DPPA4: variants seen among roughly 807,000 people sequenced by gnomAD.
The protein encoded by DPPA4 is developmental pluripotency associated 4, also known as developmental pluripotency-associated protein 4.
In DPPA4, 22 loss-of-function variants were observed where a neutral mutation model predicts 33.7. That is an observed-to-expected ratio of 0.65 (90% CI 0.47 to 0.93). The LOEUF (loss-of-function observed/expected upper bound fraction) is 0.93. Ranked by LOEUF, DPPA4 falls within the 40% of genes least tolerant of loss-of-function variation. The pLI is 0.00. For missense variants in DPPA4, 340 were observed against 358.6 expected, an observed-to-expected ratio of 0.95 and a Z score of 0.42; for synonymous variants, 156 against 132.3, an observed-to-expected ratio of 1.18 and a Z score of -1.23.
Position 109,330,583 on chromosome 3 carries a change from G to A in DPPA4, c.620C>T (p.Ala207Val), listed in dbSNP as rs201448153. ...TGTCCTCGCCCTGGCTGAAATTCTCGCCCAGGAGGCCAGCAAAGCCTCTGG... is the reference window on the plus strand; with the variant it reads ...TGTCCTCGCCCTGGCTGAAATTCTCACCCAGGAGGCCAGCAAAGCCTCTGG... Reference protein sequence around the residue: ...SAPEALLASWARISARARTPE... With the variant: ...SAPEALLASWVRISARARTPE... Residue 207 changes from alanine to valine, a missense_variant, in exon 5 of 7, where the codon GCG becomes GTG. This residue lies in a region of DPPA4 where 212 missense variants were observed against 206.5 expected (regional missense o/e 1.03). Coordinates refer to ENST00000335658, the MANE Select transcript of DPPA4 (RefSeq NM_018189.4). 135 of 1,613,864 alleles carry A rather than the reference G, an allele frequency of 8.4e-5. No individual in the cohort carries two copies. The highest frequency in any genetic ancestry group is 1.0e-4 in the Non-Finnish European group (122 of 1,179,990).
chr3:109,338,369 T>C (rs576032291), upstream of DPPA4, among the ~76,000 whole-genome samples: 19 of 152,206 alleles, frequency 1.2e-4, no homozygotes, highest in Non-Finnish European at 2.2e-4. Context: ...ACCTACTGAC[T>C]CCCAAAGAAG....
At chr3:109,331,563 AAAAAG>A (rs1184149764) in intron 4 of DPPA4, among the ~76,000 whole-genome samples, 166 bp downstream of exon 4, 2 of 146,660 alleles carry the variant, frequency 1.4e-5, no homozygotes, top group African/African-American at 2.6e-5. Flanking sequence ...AAAAAAAAAA[AAAAAG>A]AAAGAAAGAA....
In DPPA4 at chr3:109,330,300, CAAAAAAAAAAAAAA is replaced by C. The variant is rs71129042; in HGVS notation, c.679+210_679+223del. The C allele has an allele frequency of 1.1e-3, 383 of 348,952 alleles. 4 individuals are homozygous for C. In the African/African-American group the frequency reaches 0.012, roughly 10 times the overall value. 21.6% of individuals were successfully genotyped at this position (348,952 alleles called of 1,614,324 possible). Reference sequence around the variant, plus strand: ...CTGGGCAACAAGGGAGAAACTGTCTCAAAAAAAAAAAAAAAAAAAAAAAAAAAAAAAGGAAAAAA... The same window carrying C: ...CTGGGCAACAAGGGAGAAACTGTCTCAAAAAAAAAAAAAAAAAGGAAAAAA... On this transcript the variant is annotated intron_variant, in intron 5 of 6. Coordinates refer to ENST00000335658, the MANE Select transcript of DPPA4 (RefSeq NM_018189.4).
At chr3:109,329,352 A>T in intron 5 of DPPA4, 1 of 336,764 alleles carries the variant, frequency 3.0e-6, no homozygotes, top group Non-Finnish European at 5.5e-6. Context: ...TGGCTAACAC[A>T]GTGAAACCCC....
At chr3:109,329,404 G>A (rs376384598) in intron 5 of DPPA4, 4 of 249,844 alleles carry the variant, frequency 1.6e-5, no homozygotes, top group East Asian at 2.0e-4. Context: ...GCGTGGTGGC[G>A]GGGGCCTGTA....
chr3:109,331,543 C>CAAAAAAA (rs62827961), intron 4 of DPPA4, among the ~76,000 whole-genome samples, 191 bp downstream of exon 4: 37 of 71,450 alleles, frequency 5.2e-4, no homozygotes, highest in African/African-American at 7.2e-4. Context: ...GACTCTGTCT[C>CAAAAAAA]AAAAAAAAAA....
At chr3:109,330,462 A>C (rs760749297) in intron 5 of DPPA4, 62 bp downstream of exon 5, 1 of 1,583,874 alleles carries the variant, frequency 6.3e-7, no homozygotes, top group Non-Finnish European at 8.7e-7. Flanking sequence ...TGTACCAGTG[A>C]TTAATATCTA....
In DPPA4 at chr3:109,329,037, C is replaced by A; in HGVS notation, c.731G>T (p.Gly244Val). The change falls in exon 6 of 7, where the codon GGT becomes GTT. Residue 244 changes from glycine (G) to valine (V), a missense_variant. By Grantham distance (109) the Gly-to-Val change is moderately radical (BLOSUM62 -3). Coordinates refer to ENST00000335658, the MANE Select transcript of DPPA4 (RefSeq NM_018189.4). ...HGKSLPADTD[G>V]WVHLQFHAGQ... is the part of the protein sequence containing the mutation. ...AGCATGAAACTGCAGGTGAACCCAA[C>A]CATCTGTGTCTGCAGGGAGACTTTT... The A allele has an allele frequency of 1.2e-6, 2 of 1,614,086 alleles. No individual in the cohort carries two copies. The highest frequency in any genetic ancestry group is 1.7e-6 in the Non-Finnish European group (2 of 1,180,032).
chr3:109,337,547 G>T (rs749943280), upstream of DPPA4: 1 of 1,612,346 alleles, frequency 6.2e-7, no homozygotes, highest in Admixed American at 1.7e-5. Context: ...CCCCAAGATT[G>T]CTATTTGCAA....
intron 4 of DPPA4, 148 bp from the exon 5 acceptor site, chr3:109,330,960 TAATAAC>T (rs1195795001): frequency 7.4e-6 from 6 of 806,888 alleles, no homozygotes; most frequent in Admixed American, 3.0e-5. Context: ...TATACATAGT[TAATAAC>T]AATGTACTGT....
intron 4 of DPPA4, 143 bp downstream of exon 4, chr3:109,331,591 G>C: frequency 2.3e-6 from 1 of 443,370 alleles, no homozygotes. Flanking sequence ...AAAAAAAAGA[G>C]AAGTAGAGAT....
chr3:109,336,946 C>A (rs996278836), intron 1 of DPPA4, among the ~76,000 whole-genome samples: 9 of 152,094 alleles, frequency 5.9e-5, no homozygotes, highest in Admixed American at 5.9e-4. Flanking sequence ...GTTGCCCAAG[C>A]TGGGGGTGCA....
At chr3:109,339,073 C>A (rs1364423186), upstream of DPPA4, among the ~76,000 whole-genome samples, 1 of 151,768 alleles carries the variant, frequency 6.6e-6, no homozygotes, top group Non-Finnish European at 1.5e-5. Context: ...TGCCTGTAAT[C>A]CCAGCTACCA....
At position 109,337,431 on chromosome 3, in the gene DPPA4, G is replaced by C. The variant is rs3749235; in HGVS notation, c.54+33C>G. The stretch of plus-strand genomic sequence containing the variant: ...CAGGGAAGACAGAAACACAAAGACA[G>C]ACAGAAAACAAATCCACTAAAACTG... On this transcript the variant is annotated intron_variant, in intron 1 of 6. Transcript: ENST00000335658. 7.9e-3 allele frequency: 12,759 copies of C among 1,604,976 alleles called. 459 individuals are homozygous for C. In the East Asian group the frequency reaches 0.092, roughly 12 times the overall value.
intron 1 of DPPA4, among the ~76,000 whole-genome samples, chr3:109,335,029 T>C (rs1050280137): frequency 6.6e-6 from 1 of 152,214 alleles, no homozygotes; most frequent in African/African-American, 2.4e-5. Context: ...TATTGGTTCA[T>C]TGAATTAAAG....
chr3:109,335,230 C>T (rs1403870361), intron 1 of DPPA4, among the ~76,000 whole-genome samples: 6 of 152,106 alleles, frequency 3.9e-5, no homozygotes, highest in Non-Finnish European at 8.8e-5. Flanking sequence ...ATAGCTCACT[C>T]CAAGCTCTAC....
chr3:109,334,913 T>C (rs992591844), intron 1 of DPPA4, among the ~76,000 whole-genome samples: 8 of 152,206 alleles, frequency 5.3e-5, no homozygotes. Context: ...CTATTTAACC[T>C]GGTCCTTCCA....
At position 109,331,837 on chromosome 3, in the gene DPPA4, TCCCAGCAGCACCGTC is replaced by T; in HGVS notation, c.339+19_339+33del. 6.2e-7 allele frequency: 1 copy of T among 1,613,518 alleles called. No homozygotes were observed. The highest frequency in any genetic ancestry group is 8.5e-7 in the Non-Finnish European group (1 of 1,179,548). On this transcript the variant is annotated intron_variant, in intron 3 of 6. Transcript: ENST00000335658. ...AGGCAAATAAGGTTCCTACCCTTCC[TCCCAGCAGCACCGTC>T]CCCAGCCTGGGACCTCACCTGGCCT...
rs1707932973 is a variant in DPPA4, at chr3:109,326,320, T to A, written c.*1668A>T. On this transcript the variant is annotated 3_prime_UTR_variant, in exon 7 of 7. Coordinates refer to ENST00000335658, the MANE Select transcript of DPPA4 (RefSeq NM_018189.4). The stretch of plus-strand genomic sequence containing the variant: ...CATCCAAATAAAGCAGGGGAGAAGT[T>A]TAAAAAGGAAACAAAAGGAACAATA... 1.3e-5 allele frequency: 2 copies of A among 151,798 alleles called. No individual in the cohort carries two copies. Among genetic ancestry groups the A allele is most frequent in the African/African-American group, 4.8e-5 (2 of 41,314 alleles). 9.4% of individuals were successfully genotyped at this position (151,798 alleles called of 1,614,324 possible). A position where few individuals can be genotyped will look rare whatever the true frequency, so the allele number is the denominator to read the frequency against.
Sources: gnomAD v4.1 joint callset for allele counts (sites outside exome capture counted in the v4.1 genomes callset) on GRCh38, gnomAD v4.1.1 for gene constraint, gnomAD v4.1.1 regional missense constraint, MANE v1.5 for transcripts, NCBI Gene and HGNC (gene_info 2026-07-23, HGNC 2026-07-21) for gene names.